The following SLCO3A1 variants were observed in gnomAD, a reference collection of about 807,000 sequenced individuals.
SLCO3A1 encodes solute carrier organic anion transporter family member 3A1.
SLCO3A1 carries 27 observed loss-of-function variants against 63.1 expected under a neutral mutation model. That is an observed-to-expected ratio of 0.43 (90% CI 0.32 to 0.59). The LOEUF (loss-of-function observed/expected upper bound fraction) is 0.59, where lower values mean the gene tolerates loss of function less well. SLCO3A1 is among the 20% of genes least tolerant of loss of function. The pLI is 0.09. For missense variants in SLCO3A1, 773 were observed against 945.8 expected, an observed-to-expected ratio of 0.82 and a Z score of 2.40; for synonymous variants, 473 against 409.9, an observed-to-expected ratio of 1.15 and a Z score of -1.86.
rs1899644694 is a variant in SLCO3A1, at chr15:91,942,157, T to TTTTTTTTTTTTTTTTTTTTTTTG, written c.646+25699_646+25700insTTTTTTTTTTTTTTTTTTTTTTG. Among the ~76,000 whole-genome samples the TTTTTTTTTTTTTTTTTTTTTTTG allele has an allele frequency of 6.6e-6, 1 of 152,160 alleles. No homozygotes were observed. The highest frequency in any genetic ancestry group is 2.4e-5 in the African/African-American group (1 of 41,384). On this transcript the variant is annotated intron_variant, in intron 2 of 9. Transcript: ENST00000318445. This position sits in a 1 kb window ranked among gnomAD's most constrained non-coding sequence, Gnocchi z 4.1. Reference sequence around the variant, plus strand: ...TTTGGATCACGGCAGCTTTTCTTATTAAAATTTTACTTGTAGAAATAAAAA... The same window carrying TTTTTTTTTTTTTTTTTTTTTTTG: ...TTTGGATCACGGCAGCTTTTCTTATTTTTTTTTTTTTTTTTTTTTTTTGAAAATTTTACTTGTAGAAATAAAAA...
chr15:92,079,576 T>C (rs182572445), intron 2 of SLCO3A1, among the ~76,000 whole-genome samples: 90 of 152,328 alleles, frequency 5.9e-4, no homozygotes, highest in African/African-American at 2.1e-3. Flanking sequence ...AAGGGCCTCA[T>C]TGTAATGTAA....
In SLCO3A1 at chr15:91,853,881, C is replaced by T; in HGVS notation, c.-28C>T. 2 of 1,165,370 alleles carry T rather than the reference C, an allele frequency of 1.7e-6. No homozygotes were observed. The highest frequency in any genetic ancestry group is 2.3e-5 in the South Asian group (1 of 43,674). 72.2% of individuals were successfully genotyped at this position (1,165,370 alleles called of 1,614,324 possible). The stretch of plus-strand genomic sequence containing the variant: ...GGGGCGAGCGGGAAAGCGGCAGCGG[C>T]GGCGGCGGCGGCGGCGGCGGGGGAA... On this transcript the variant is annotated 5_prime_UTR_variant, in exon 1 of 10. Transcript: ENST00000318445.
intron 1 of SLCO3A1, among the ~76,000 whole-genome samples, chr15:91,910,522 C>T (rs934764635): frequency 2.6e-5 from 4 of 152,330 alleles, no homozygotes; most frequent in African/African-American, 2.4e-5. Context: ...TTAGTGTGCA[C>T]CTACTGTGGG....
intron 8 of SLCO3A1, chr15:92,148,655 GC>G (rs1334681686): frequency 6.6e-6 from 1 of 152,128 alleles, no homozygotes; most frequent in Non-Finnish European, 1.5e-5. Context: ...TGCGTCAAGA[GC>G]CATACAAATA....
chr15:91,882,509 A>G lies in SLCO3A1; in HGVS notation c.180+28421A>G, dbSNP rs1013878554. Reference sequence around the variant, plus strand: ...CCTCCACCCCCACCCCACCCCCACTATGTATGACTTCTTTTTTTTCCTTGA... The same window carrying G: ...CCTCCACCCCCACCCCACCCCCACTGTGTATGACTTCTTTTTTTTCCTTGA... On this transcript the variant is annotated intron_variant, in intron 1 of 9. Coordinates refer to ENST00000318445, the MANE Select transcript of SLCO3A1 (RefSeq NM_013272.4). This position sits in a 1 kb window ranked among gnomAD's most constrained non-coding sequence, Gnocchi z 4.4. Among the ~76,000 whole-genome samples the G allele has an allele frequency of 3.3e-5, 5 of 149,692 alleles. No homozygotes were observed. The highest frequency in any genetic ancestry group is 2.7e-4 in the Admixed American group (4 of 14,950).
chr15:92,042,943 G>T (rs1269595860), intron 2 of SLCO3A1, among the ~76,000 whole-genome samples: 2 of 152,122 alleles, frequency 1.3e-5, no homozygotes, highest in African/African-American at 4.8e-5. Flanking sequence ...TGACTCAAGT[G>T]GCCATGGAAT....
At chr15:91,881,034 T>C (rs1305221017) in intron 1 of SLCO3A1, among the ~76,000 whole-genome samples, 8 of 152,198 alleles carry the variant, frequency 5.3e-5, no homozygotes, top group Non-Finnish European at 1.5e-5. Context: ...AGGATGGGGC[T>C]TGGGTGGAGG....
chr15:92,156,310 G>A (rs879879352), intron 9 of SLCO3A1, among the ~76,000 whole-genome samples: 45 of 152,162 alleles, frequency 3.0e-4, no homozygotes, highest in Admixed American at 2.4e-3. Flanking sequence ...TTCATTCGGC[G>A]AACATATGTT....
chr15:91,896,352 A>C (rs1898003681), intron 1 of SLCO3A1, among the ~76,000 whole-genome samples: 1 of 152,162 alleles, frequency 6.6e-6, no homozygotes, highest in Admixed American at 6.5e-5. Flanking sequence ...TAAAAGTCAG[A>C]TCCATGGTGC....
intron 2 of SLCO3A1, among the ~76,000 whole-genome samples, chr15:91,940,549 C>A (rs1158645564): frequency 6.6e-6 from 1 of 152,220 alleles, no homozygotes; most frequent in African/African-American, 2.4e-5. Flanking sequence ...AGTGCTTAAA[C>A]TGATGGCCCT....
Position 92,047,521 on chromosome 15 carries a change from A to AT in SLCO3A1, c.647-47360_647-47359insT, listed in dbSNP as rs1416636904. 2.3e-3 allele frequency among the ~76,000 whole-genome samples: 68 copies of AT among 29,586 alleles called. 4 individuals are homozygous for AT. The highest frequency in any genetic ancestry group is 3.5e-3 in the Admixed American group (3 of 850). The allele number at this position is 29,586 out of a possible 152,430, so 19.4% of individuals were successfully genotyped here. On this transcript the variant is annotated intron_variant, in intron 2 of 9. Coordinates refer to ENST00000318445, the MANE Select transcript of SLCO3A1 (RefSeq NM_013272.4). ...TATATATAAATATATATAAATACAT[A>AT]AATAAATATATAAATATATATAATA... is the stretch of plus-strand genomic sequence containing the variant.
rs1056915982 is a variant in SLCO3A1 at position 91,875,558 on chromosome 15, G to A, written c.180+21470G>A. 1.1e-4 allele frequency among the ~76,000 whole-genome samples: 17 copies of A among 152,358 alleles called. No homozygotes were observed. Among genetic ancestry groups the A allele is most frequent in the Admixed American group, 7.8e-4 (12 of 15,302 alleles). On this transcript the variant is annotated intron_variant, in intron 1 of 9. Transcript: ENST00000318445. This position sits in a 1 kb window ranked among gnomAD's most constrained non-coding sequence, Gnocchi z 4.5. ...ACAGAGGGCTCTCCTGAGCGTGAAAGGAGTTACTGCCTGGGAAGCACTTGT... is the reference window on the plus strand; with the variant it reads ...ACAGAGGGCTCTCCTGAGCGTGAAAAGAGTTACTGCCTGGGAAGCACTTGT...
At chr15:92,081,811 C>T (rs184158162) in intron 2 of SLCO3A1, among the ~76,000 whole-genome samples, 60 of 152,304 alleles carry the variant, frequency 3.9e-4, no homozygotes, top group African/African-American at 1.4e-3. Context: ...GTCTTCCAGA[C>T]CAGCTTCATC....
intron 2 of SLCO3A1, among the ~76,000 whole-genome samples, chr15:92,040,969 G>A (rs2046789792): frequency 6.6e-6 from 1 of 152,136 alleles, no homozygotes. Flanking sequence ...CTGGGCATGT[G>A]TCCTCACTCC....
chr15:91,962,626 G>A (rs1900492358), intron 2 of SLCO3A1, among the ~76,000 whole-genome samples: 1 of 151,964 alleles, frequency 6.6e-6, no homozygotes, highest in Non-Finnish European at 1.5e-5. Flanking sequence ...AGAATGAGAG[G>A]TGGAAATGGC....
rs116502535 is a variant in SLCO3A1, at chr15:92,025,037, C to T, written c.647-69844C>T. On this transcript the variant is annotated intron_variant, in intron 2 of 9. Transcript: ENST00000318445. ...TTCATCCATCCATCTGTCTATCCAT[C>T]CATGCATCTATCCATCTATCCATCC... is the stretch of plus-strand genomic sequence containing the variant. Among the ~76,000 whole-genome samples the T allele has an allele frequency of 4.4e-3, 673 of 152,274 alleles. 8 individuals carry two copies. Among genetic ancestry groups the T allele is most frequent in the African/African-American group, 0.016 (648 of 41,546 alleles).
At chr15:92,066,673 C>T (rs2047156136) in intron 2 of SLCO3A1, among the ~76,000 whole-genome samples, 1 of 152,188 alleles carries the variant, frequency 6.6e-6, no homozygotes, top group African/African-American at 2.4e-5. Context: ...AGAATAGCGC[C>T]TGCCTTGTAG....
At chr15:92,005,590 C>T (rs2046303668) in intron 2 of SLCO3A1, among the ~76,000 whole-genome samples, 1 of 152,184 alleles carries the variant, frequency 6.6e-6, no homozygotes, top group African/African-American at 2.4e-5. Context: ...TGCTTTGCTG[C>T]TGCTTGTTTA....
At chr15:92,156,264 T>G (rs567121897) in intron 9 of SLCO3A1, among the ~76,000 whole-genome samples, 1 of 152,190 alleles carries the variant, frequency 6.6e-6, no homozygotes, top group Non-Finnish European at 1.5e-5. Flanking sequence ...GTGGGATGCA[T>G]GGAAGACCCC....
Sources: gnomAD v4.1 joint callset for allele counts (sites outside exome capture counted in the v4.1 genomes callset) on GRCh38, gnomAD v4.1.1 for gene constraint, Gnocchi (gnomAD v3.1) non-coding constraint, MANE v1.5 for transcripts, NCBI Gene and HGNC (gene_info 2026-07-23, HGNC 2026-07-21) for gene names.